DYNC1I1: variants seen among roughly 807,000 people sequenced by gnomAD.
DYNC1I1 encodes dynein cytoplasmic 1 intermediate chain 1, also known as cytoplasmic dynein 1 intermediate chain 1.
In DYNC1I1, 43 loss-of-function variants were observed where a neutral mutation model predicts 86.6. That is an observed-to-expected ratio of 0.50 (90% CI 0.39 to 0.64). DYNC1I1 has a LOEUF of 0.64. Among genes scored for constraint, DYNC1I1 ranks in the 30% least tolerant of loss-of-function variants. DYNC1I1 has a pLI of 0.00. For missense variants in DYNC1I1, 604 were observed against 788.8 expected (o/e 0.77, Z 2.81); for synonymous variants, 262 against 283.7 (o/e 0.92, Z 0.77).
chr7:95,835,272 T>C (rs1212944031), intron 5 of DYNC1I1, among the ~76,000 whole-genome samples: 1 of 111,998 alleles, frequency 8.9e-6, no homozygotes, highest in African/African-American at 3.8e-5. Context: ...TTCCATGTAG[T>C]TGAGCGGTTT....
chr7:95,786,368 C>T (rs965838280), intron 1 of DYNC1I1, among the ~76,000 whole-genome samples: 1 of 152,152 alleles, frequency 6.6e-6, no homozygotes, highest in African/African-American at 2.4e-5. Flanking sequence ...TTTAGGAAGC[C>T]CCCTCTGTGC....
chr7:95,931,894 T>A (rs1791909436), intron 6 of DYNC1I1, among the ~76,000 whole-genome samples: 1 of 152,234 alleles, frequency 6.6e-6, no homozygotes, highest in South Asian at 2.1e-4. Flanking sequence ...GCGTTAATCA[T>A]AATGACTTGT....
chr7:96,014,440 C>T (rs1014423543), intron 10 of DYNC1I1, among the ~76,000 whole-genome samples: 5 of 152,128 alleles, frequency 3.3e-5, no homozygotes, highest in Admixed American at 2.6e-4. Context: ...CCCAGCACAC[C>T]GTGTGGATTA....
Position 96,028,241 on chromosome 7 carries a change from G to C in DYNC1I1, c.1036G>C (p.Gly346Arg). ...CTTGGTGGTTGGTGGGACTTACTCGGGCCAGATTGTCCTCTGGGACAATCG... is the reference window on the plus strand; with the variant it reads ...CTTGGTGGTTGGTGGGACTTACTCGCGCCAGATTGTCCTCTGGGACAATCG... ...PNLVVGGTYSGQIVLWDNRSH... is the reference protein window; with the variant it reads ...PNLVVGGTYSRQIVLWDNRSH... Residue 346 changes from glycine to arginine, a missense_variant, in exon 11 of 17, where the codon GGC (glycine) becomes CGC (arginine). Transcript: ENST00000447467. 1 of 1,613,792 alleles carries C rather than the reference G, an allele frequency of 6.2e-7. No individual in the cohort carries two copies. The highest frequency in any genetic ancestry group is 1.1e-5 in the South Asian group (1 of 91,044).
intron 1 of DYNC1I1, among the ~76,000 whole-genome samples, chr7:95,802,161 C>T (rs1189758901): frequency 2.0e-5 from 3 of 152,166 alleles, no homozygotes; most frequent in Admixed American, 6.6e-5. Flanking sequence ...AGAAGTCCCA[C>T]TGATACCCAA....
intron 15 of DYNC1I1, 110 bp from the exon 16 acceptor site, chr7:96,080,253 A>G: frequency 7.2e-7 from 1 of 1,385,048 alleles, no homozygotes; most frequent in South Asian, 1.5e-5. Flanking sequence ...GTATTACTTA[A>G]TGCACATGAA....
At chr7:96,052,583 A>G (rs1789437099) in intron 14 of DYNC1I1, among the ~76,000 whole-genome samples, 1 of 152,190 alleles carries the variant, frequency 6.6e-6, no homozygotes, top group East Asian at 1.9e-4. Flanking sequence ...CATGCTAAGT[A>G]TAGGGTAAGA....
intron 6 of DYNC1I1, among the ~76,000 whole-genome samples, chr7:95,875,719 A>G (rs994120563): frequency 6.6e-6 from 1 of 152,204 alleles, no homozygotes. Context: ...GCCCTCTGGC[A>G]TGATGTCCTT....
intron 10 of DYNC1I1, among the ~76,000 whole-genome samples, chr7:96,015,248 G>A (rs1794372804): frequency 6.6e-6 from 1 of 152,092 alleles, no homozygotes; most frequent in South Asian, 2.1e-4. Flanking sequence ...TACATTGGGT[G>A]TACTCTAACA....
chr7:95,898,297 G>A (rs1387722030), intron 6 of DYNC1I1, among the ~76,000 whole-genome samples: 1 of 152,180 alleles, frequency 6.6e-6, no homozygotes, highest in Non-Finnish European at 1.5e-5. Context: ...AGAGTTTTCA[G>A]CCAATTGTCT....
intron 6 of DYNC1I1, among the ~76,000 whole-genome samples, chr7:95,871,529 A>T (rs1790168609): frequency 6.6e-6 from 1 of 152,344 alleles, no homozygotes; most frequent in African/African-American, 2.4e-5. Context: ...GCAGAGCTGT[A>T]GCTGGAGGCA....
intron 6 of DYNC1I1, among the ~76,000 whole-genome samples, chr7:95,896,684 C>G (rs1022580842): frequency 1.3e-4 from 20 of 152,176 alleles, no homozygotes; most frequent in Admixed American, 1.3e-3. Flanking sequence ...AGTGAGAAAT[C>G]AGAAACCAAG....
At chr7:96,108,029 T>C (rs914148319) in intron 16 of DYNC1I1, among the ~76,000 whole-genome samples, 18 of 152,146 alleles carry the variant, frequency 1.2e-4, no homozygotes, top group African/African-American at 3.4e-4. Flanking sequence ...CTTTATGCTT[T>C]TCTTTTACAT....
intron 12 of DYNC1I1, among the ~76,000 whole-genome samples, chr7:96,034,602 G>T (rs763737659): frequency 6.6e-6 from 1 of 152,292 alleles, no homozygotes; most frequent in South Asian, 2.1e-4. Context: ...TAGTGATGAA[G>T]CAGATCATTG....
At chr7:95,795,984 A>G (rs1240592817) in intron 1 of DYNC1I1, among the ~76,000 whole-genome samples, 2 of 151,390 alleles carry the variant, frequency 1.3e-5, no homozygotes, top group African/African-American at 4.9e-5. Context: ...AGCCTACTAG[A>G]TATAATTGAG....
At chr7:95,969,234 C>T (rs1562959065) in intron 6 of DYNC1I1, among the ~76,000 whole-genome samples, 1 of 152,032 alleles carries the variant, frequency 6.6e-6, no homozygotes, top group East Asian at 1.9e-4. Context: ...TCTTGGATAA[C>T]AAGGGCCTGA....
At chr7:95,989,286 G>A (rs1019738342) in intron 9 of DYNC1I1, among the ~76,000 whole-genome samples, 1 of 152,178 alleles carries the variant, frequency 6.6e-6, no homozygotes, top group African/African-American at 2.4e-5. Context: ...CAATAAAGTG[G>A]GTGAATGTTC....
At chr7:95,990,536 C>T (rs1328201412) in intron 9 of DYNC1I1, among the ~76,000 whole-genome samples, 1 of 152,104 alleles carries the variant, frequency 6.6e-6, no homozygotes, top group African/African-American at 2.4e-5. Flanking sequence ...TACTGGTCTC[C>T]CTACTGTCAG....
At chr7:96,029,588 A>G (rs1188299407) in intron 11 of DYNC1I1, among the ~76,000 whole-genome samples, 2 of 152,188 alleles carry the variant, frequency 1.3e-5, no homozygotes, top group African/African-American at 2.4e-5. Context: ...CTAAAATACT[A>G]TTATTATCAA....
Sources: gnomAD v4.1 joint callset for allele counts (sites outside exome capture counted in the v4.1 genomes callset) on GRCh38, gnomAD v4.1.1 for gene constraint, MANE v1.5 for transcripts, NCBI Gene and HGNC (gene_info 2026-07-23, HGNC 2026-07-21) for gene names.